The following PCDH11X variants were observed in gnomAD, a reference collection of about 807,000 sequenced individuals.
PCDH11X encodes protocadherin 11 X-linked, also known as protocadherin-11 X-linked.
A neutral mutation model predicts 53.3 loss-of-function variants in PCDH11X; 18 were observed. The observed-to-expected ratio is 0.34, with a 90% CI of 0.23 to 0.50. The LOEUF is 0.50. PCDH11X is among the 20% of genes least tolerant of loss of function. The pLI is 0.98. For synonymous variants in PCDH11X, 279 were observed against 393.3 expected (o/e 0.71, Z 3.44); for missense variants, 570 against 1,032.4 (o/e 0.55, Z 6.14).
At chrX:92,597,118 A>G (rs1432115380) in intron 10 of PCDH11X, among the ~76,000 whole-genome samples, 8 of 111,745 alleles carry the variant, frequency 7.2e-5, no homozygotes, top group Non-Finnish European at 1.5e-4. Flanking sequence ...AAGATTTGCA[A>G]CGTGACAAGG....
chrX:92,282,731 C>T (rs1039761913), intron 8 of PCDH11X, among the ~76,000 whole-genome samples: 11 of 111,196 alleles, frequency 9.9e-5, no homozygotes, highest in African/African-American at 3.3e-4. Context: ...AAACTTTGAC[C>T]GTGGTGAATA....
chrX:92,359,607 T>G (rs2070298416), intron 8 of PCDH11X, among the ~76,000 whole-genome samples: 1 of 111,519 alleles, frequency 9.0e-6, no homozygotes. Flanking sequence ...TGATTGGCTC[T>G]GCCATTTGAG....
chrX:91,791,754 TAAAC>T (rs1185320533), intron 1 of PCDH11X, among the ~76,000 whole-genome samples: 5 of 89,226 alleles, frequency 5.6e-5, no homozygotes, highest in Non-Finnish European at 1.1e-4. Context: ...CAAGACAAAA[TAAAC>T]AGATAGCAAA....
At chrX:92,286,676 G>T (rs1272555949) in intron 8 of PCDH11X, among the ~76,000 whole-genome samples, 1 of 85,864 alleles carries the variant, frequency 1.2e-5, no homozygotes, top group Non-Finnish European at 2.2e-5. Flanking sequence ...CAATTTTGGA[G>T]ATTATCTCTT....
intron 6 of PCDH11X, among the ~76,000 whole-genome samples, chrX:91,904,911 AG>A (rs1378217182): frequency 9.1e-6 from 1 of 110,190 alleles, no homozygotes; most frequent in Admixed American, 9.8e-5. Context: ...ATCTATAATA[AG>A]CTAAGGACAA....
At chrX:92,539,729 T>A (rs1244054332) in intron 10 of PCDH11X, among the ~76,000 whole-genome samples, 1 of 111,918 alleles carries the variant, frequency 8.9e-6, no homozygotes, top group Non-Finnish European at 1.9e-5. Flanking sequence ...TTGTTTTATA[T>A]CTGTCCTTTT....
intron 10 of PCDH11X, among the ~76,000 whole-genome samples, chrX:92,617,654 G>A (rs1477026819): frequency 1.8e-5 from 2 of 110,650 alleles, no homozygotes; most frequent in Non-Finnish European, 3.8e-5. Context: ...AACTATTATA[G>A]TTTACAGCTA....
At chrX:91,997,539 T>G (rs1288639326) in intron 6 of PCDH11X, among the ~76,000 whole-genome samples, 2 of 112,204 alleles carry the variant, frequency 1.8e-5, no homozygotes, top group Non-Finnish European at 3.8e-5. Flanking sequence ...TGTATATGTT[T>G]AATCATCATT....
intron 8 of PCDH11X, among the ~76,000 whole-genome samples, chrX:92,338,894 A>T (rs2069683419): frequency 8.9e-6 from 1 of 111,849 alleles, no homozygotes; most frequent in Non-Finnish European, 1.9e-5. Context: ...TTTTATGTGA[A>T]ATTCAACATA....
At chrX:91,943,303 A>G (rs2061532300) in intron 6 of PCDH11X, among the ~76,000 whole-genome samples, 1 of 108,309 alleles carries the variant, frequency 9.2e-6, no homozygotes, top group South Asian at 4.1e-4. Context: ...AATTGTAACA[A>G]ATGTACCACT....
chrX:92,159,791 G>A (rs1431007557), intron 6 of PCDH11X, among the ~76,000 whole-genome samples: 1 of 88,870 alleles, frequency 1.1e-5, no homozygotes, highest in Non-Finnish European at 2.2e-5. Flanking sequence ...AGATTAAAAT[G>A]TGGAGTGACA....
At chrX:92,579,030 T>A (rs1477960871) in intron 10 of PCDH11X, among the ~76,000 whole-genome samples, 1 of 108,196 alleles carries the variant, frequency 9.2e-6, no homozygotes, top group African/African-American at 3.4e-5. Context: ...GATAAGAAAT[T>A]CCGGGTTGGC....
At chrX:91,824,311 C>T (rs1421326379) in intron 4 of PCDH11X, among the ~76,000 whole-genome samples, 1 of 110,519 alleles carries the variant, frequency 9.0e-6, no homozygotes, top group African/African-American at 3.3e-5. Context: ...TTCAGGTACA[C>T]CAATCAGACG....
intron 6 of PCDH11X, among the ~76,000 whole-genome samples, chrX:92,192,627 G>A (rs1453323870): frequency 9.0e-6 from 1 of 111,725 alleles, no homozygotes; most frequent in Admixed American, 9.5e-5. Context: ...GATTACAGGC[G>A]TGAGCCACTG....
At chrX:92,223,798 G>A (rs1175416626) in intron 7 of PCDH11X, among the ~76,000 whole-genome samples, 1 of 111,428 alleles carries the variant, frequency 9.0e-6, no homozygotes, top group African/African-American at 3.3e-5. Flanking sequence ...ACTTAGTACA[G>A]TGTCTAGCAC....
chrX:91,871,372 G>A (rs982158537), intron 5 of PCDH11X, among the ~76,000 whole-genome samples: 1 of 104,199 alleles, frequency 9.6e-6, no homozygotes, highest in Admixed American at 1.0e-4. Context: ...TCAAGCAGTG[G>A]TGAAAGTCAG....
At chrX:92,280,155 G>A (rs938564007) in intron 8 of PCDH11X, among the ~76,000 whole-genome samples, 3 of 111,948 alleles carry the variant, frequency 2.7e-5, no homozygotes, top group African/African-American at 6.5e-5. Flanking sequence ...AAACATACTC[G>A]GTCTAGGTGT....
At chrX:92,568,116 C>A (rs1226265038) in intron 10 of PCDH11X, among the ~76,000 whole-genome samples, 10 of 108,833 alleles carry the variant, frequency 9.2e-5, no homozygotes, top group Non-Finnish European at 1.5e-4. Flanking sequence ...CTTCCATCCT[C>A]AATACACTAC....
intron 8 of PCDH11X, among the ~76,000 whole-genome samples, chrX:92,279,993 A>G (rs1345442769): frequency 8.9e-6 from 1 of 112,192 alleles, no homozygotes; most frequent in African/African-American, 3.2e-5. Flanking sequence ...TTCTATTTTT[A>G]GATACATTTA....
Sources: allele counts gnomAD v4.1 joint callset (sites outside exome capture counted in the v4.1 genomes callset), GRCh38; gene constraint gnomAD v4.1.1; transcripts MANE v1.5; gene names NCBI Gene and HGNC (gene_info 2026-07-23, HGNC 2026-07-21).